The following HS1BP3 variants were observed in gnomAD, a reference collection of about 807,000 sequenced individuals.
HS1BP3 encodes HCLS1 binding protein 3, also known as HCLS1-binding protein 3.
HS1BP3 carries 32 observed loss-of-function variants against 33.5 expected under a neutral mutation model. The ratio of observed to expected loss-of-function variants is 0.95; its 90% CI spans 0.72 to 1.28. HS1BP3 has a LOEUF of 1.28. Ranked by LOEUF, HS1BP3 falls within the 50% of genes most tolerant of loss-of-function variation. The pLI, the probability that HS1BP3 is intolerant of heterozygous loss-of-function variation, is 0.00. For synonymous variants in HS1BP3, 187 were observed against 209.2 expected, an observed-to-expected ratio of 0.89 and a Z score of 0.92; for missense variants, 486 against 502.3, an observed-to-expected ratio of 0.97 and a Z score of 0.31.
intron 5 of HS1BP3, among the ~76,000 whole-genome samples, chr2:20,581,115 G>A (rs1055057256): frequency 5.9e-5 from 9 of 152,206 alleles, no homozygotes; most frequent in African/African-American, 1.9e-4. Flanking sequence ...CCAGTCCTCA[G>A]TCTCAGAGCA....
intron 4 of HS1BP3, among the ~76,000 whole-genome samples, chr2:20,627,716 C>T (rs1036356469): frequency 9.9e-5 from 15 of 152,154 alleles, no homozygotes; most frequent in Non-Finnish European, 1.5e-5. Context: ...CCTGGGCTGC[C>T]TTCTCTACCT....
At position 20,623,571 on chromosome 2, in the gene HS1BP3, T is replaced by G. The variant is rs2149291456; in HGVS notation, c.920+325A>C. 1.0e-5 allele frequency: 2 copies of G among 200,044 alleles called. 1 individual carries two copies. The highest frequency in any genetic ancestry group is 3.4e-4 in the South Asian group (2 of 5,806). The allele number at this position is 200,044 out of a possible 1,614,324, so 12.4% of individuals were successfully genotyped here. ...TTTAATTTGTTCCCAAACTTGCTTA[T>G]GCCAGTTATACCTGCTCTTGCAATT... On this transcript the variant is annotated intron_variant, in intron 6 of 6. Transcript: ENST00000304031.
At chr2:20,613,749 T>A (rs1404246111), downstream of HS1BP3, among the ~76,000 whole-genome samples, 1 of 152,148 alleles carries the variant, frequency 6.6e-6, no homozygotes, top group Non-Finnish European at 1.5e-5. Context: ...TCCCCTCACA[T>A]GGGAGTGAAA....
chr2:20,591,351 C>G (rs766668114), downstream of HS1BP3: 2 of 164,644 alleles, frequency 1.2e-5, no homozygotes, highest in African/African-American at 4.8e-5. Context: ...TTCATGGAAA[C>G]AGGATTGAGT....
chr2:20,608,837 C>A (rs1372547307), intron 2 of HS1BP3, among the ~76,000 whole-genome samples: 1 of 152,110 alleles, frequency 6.6e-6, no homozygotes, highest in African/African-American at 2.4e-5. Flanking sequence ...TCTTTCAAAC[C>A]AAGAGTTTTT....
intron 5 of HS1BP3, among the ~76,000 whole-genome samples, chr2:20,578,929 A>T (rs1022758995): frequency 6.6e-6 from 1 of 152,224 alleles, no homozygotes; most frequent in African/African-American, 2.4e-5. Context: ...TAGCCTCAGT[A>T]CTACAAGGCT....
At chr2:20,561,106 G>A (rs756022804) in intron 5 of HS1BP3, among the ~76,000 whole-genome samples, 7 of 152,186 alleles carry the variant, frequency 4.6e-5, no homozygotes, top group Non-Finnish European at 8.8e-5. Context: ...AAACATGCCT[G>A]CCTCGTCATG....
intron 5 of HS1BP3, among the ~76,000 whole-genome samples, chr2:20,564,458 A>G (rs1338507086): frequency 1.3e-5 from 2 of 152,072 alleles, no homozygotes; most frequent in Non-Finnish European, 2.9e-5. Context: ...CTAGTTCCAG[A>G]AATAGTCTTT....
At chr2:20,622,301 C>T (rs1422205925) in intron 6 of HS1BP3, 6 of 1,304,556 alleles carry the variant, frequency 4.6e-6, no homozygotes, top group African/African-American at 1.5e-5. Flanking sequence ...CCCAGTGTTA[C>T]GGCTCTTTTT....
At chr2:20,641,402 G>A (rs115005156) in intron 2 of HS1BP3, among the ~76,000 whole-genome samples, 3 of 152,294 alleles carry the variant, frequency 2.0e-5, no homozygotes, top group Admixed American at 6.5e-5. Flanking sequence ...GAGGAAAGAT[G>A]CAATAACGGT....
chr2:20,624,649 A>ACGC, intron 5 of HS1BP3, 83 bp downstream of exon 5: 5 of 1,328,960 alleles, frequency 3.8e-6, no homozygotes, highest in Non-Finnish European at 1.0e-6. Flanking sequence ...GGTCCTATTC[A>ACGC]CGCCGGGTGA....
intron 2 of HS1BP3, among the ~76,000 whole-genome samples, chr2:20,642,905 G>A (rs891202728): frequency 6.6e-6 from 1 of 152,220 alleles, no homozygotes; most frequent in Non-Finnish European, 1.5e-5. Context: ...GTGGGTGTCT[G>A]CACTGCTAGC....
downstream of HS1BP3, among the ~76,000 whole-genome samples, chr2:20,556,709 G>A (rs770023490): frequency 1.3e-5 from 2 of 152,122 alleles, no homozygotes; most frequent in African/African-American, 2.4e-5. Flanking sequence ...TACTGCACAC[G>A]CCATCAGCTT....
chr2:20,568,917 G>A (rs1470238276), intron 5 of HS1BP3, among the ~76,000 whole-genome samples: 1 of 152,204 alleles, frequency 6.6e-6, no homozygotes, highest in Admixed American at 6.5e-5. Context: ...GATTGCCCTC[G>A]AGGCCGTCTT....
At chr2:20,610,214 G>A (rs1529895) in intron 2 of HS1BP3, among the ~76,000 whole-genome samples, 150,859 of 152,276 alleles carry the variant, frequency 0.99, 74,738 homozygotes, top group South Asian at 1. Context: ...ACACATGGAC[G>A]CCTCCTTATC....
intron 5 of HS1BP3, among the ~76,000 whole-genome samples, chr2:20,581,225 C>A (rs1423698618): frequency 6.6e-6 from 1 of 152,196 alleles, no homozygotes; most frequent in African/African-American, 2.4e-5. Flanking sequence ...CAAGCTCCAG[C>A]CTGACATTCC....
intron 3 of HS1BP3, chr2:20,639,991 G>A (rs1695288753): frequency 6.6e-6 from 1 of 152,246 alleles, no homozygotes; most frequent in Non-Finnish European, 1.5e-5. Flanking sequence ...TCCAGTCCTA[G>A]GCCTGCGCAT....
At chr2:20,633,609 G>A (rs10211446) in intron 4 of HS1BP3, among the ~76,000 whole-genome samples, 2,028 of 152,218 alleles carry the variant, frequency 0.013, 46 homozygotes, top group African/African-American at 0.046. Flanking sequence ...TGCAACCTCC[G>A]CCTCCCAGGT....
downstream of HS1BP3, among the ~76,000 whole-genome samples, chr2:20,590,202 C>G (rs1395642836): frequency 6.6e-6 from 1 of 152,134 alleles, no homozygotes; most frequent in Non-Finnish European, 1.5e-5. Context: ...CACCCCCGGG[C>G]TCTGTGTGTG....
Sources: gnomAD v4.1 joint callset for allele counts (sites outside exome capture counted in the v4.1 genomes callset) on GRCh38, gnomAD v4.1.1 for gene constraint, MANE v1.5 for transcripts, NCBI Gene and HGNC (gene_info 2026-07-23, HGNC 2026-07-21) for gene names.